The following GNA12 variants were observed in gnomAD, a reference collection of about 807,000 sequenced individuals.
GNA12 encodes the protein guanine nucleotide-binding protein subunit alpha-12.
Under a neutral mutation model 26.0 loss-of-function variants are expected in GNA12, and 9 were observed. The observed-to-expected ratio is 0.35, with a 90% CI of 0.21 to 0.60. GNA12 has a LOEUF of 0.60. Among genes scored for constraint, GNA12 ranks in the 20% least tolerant of loss-of-function variants. The pLI is 0.78. For synonymous variants in GNA12, 264 were observed against 219.6 expected, an observed-to-expected ratio of 1.20 and a Z score of -1.79; for missense variants, 405 against 525.8, an observed-to-expected ratio of 0.77 and a Z score of 2.25.
intron 1 of GNA12, among the ~76,000 whole-genome samples, chr7:2,795,627 C>CAAAA (rs11412223): frequency 1.7e-5 from 2 of 117,586 alleles, no homozygotes; most frequent in Non-Finnish European, 3.5e-5. Flanking sequence ...GACCCTGTTT[C>CAAAA]AAAAAAAAAA....
Position 2,817,456 on chromosome 7 carries a change from T to C in GNA12, c.310-22313A>G, listed in dbSNP as rs564016846. ...AGAATCCTTACACAGCCTGCAAGAC[T>C]GTATATCCTCCCTTACCCCAGCCAC... On this transcript the variant is annotated intron_variant, in intron 1 of 3. Coordinates refer to ENST00000275364, the MANE Select transcript of GNA12 (RefSeq NM_007353.3). 3.9e-5 allele frequency among the ~76,000 whole-genome samples: 6 copies of C among 152,286 alleles called. No homozygotes were observed. The East Asian group carries it at 1.2e-3, about 29-fold the overall frequency.
chr7:2,780,051 CATATATATATATAT>C lies in GNA12; in HGVS notation c.525+14863_525+14876del, dbSNP rs3996399. On this transcript the variant is annotated intron_variant, in intron 2 of 3. Coordinates refer to ENST00000275364, the MANE Select transcript of GNA12 (RefSeq NM_007353.3). ...CTAGTTTTTTACACATTTCTGTGTACATATATATATATATATATATATATATATATATATATATA... is the reference window on the plus strand; with the variant it reads ...CTAGTTTTTTACACATTTCTGTGTACATATATATATATATATATATATATA... Among the ~76,000 whole-genome samples the C allele has an allele frequency of 1.8e-3, 113 of 62,210 alleles. 2 individuals are homozygous for C. Among genetic ancestry groups the C allele is most frequent in the South Asian group, 5.9e-3 (9 of 1,524 alleles). 40.8% of individuals were successfully genotyped at this position (62,210 alleles called of 152,430 possible). A position where few individuals can be genotyped will look rare whatever the true frequency, so the allele number is the denominator to read the frequency against.
chr7:2,804,436 T>C (rs1792892684), intron 1 of GNA12, among the ~76,000 whole-genome samples: 1 of 152,194 alleles, frequency 6.6e-6, no homozygotes, highest in South Asian at 2.1e-4. Flanking sequence ...CTCTGGACTA[T>C]GGTCTGAGTG....
chr7:2,764,852 T>A (rs941921664), intron 2 of GNA12: 1 of 152,210 alleles, frequency 6.6e-6, no homozygotes, highest in African/African-American at 2.4e-5. Context: ...CGCCGCCTCG[T>A]CCTCTTAGTG....
chr7:2,821,948 C>CA (rs1793379303), intron 1 of GNA12, among the ~76,000 whole-genome samples: 1 of 152,306 alleles, frequency 6.6e-6, no homozygotes, highest in African/African-American at 2.4e-5. Context: ...TATGTGCTGC[C>CA]ATGGTGCCAG....
At chr7:2,752,347 G>C (rs1791082339) in intron 2 of GNA12, among the ~76,000 whole-genome samples, 2 of 152,156 alleles carry the variant, frequency 1.3e-5, no homozygotes. Context: ...AGTCATGGTG[G>C]ACCACTGAGT....
At position 2,750,098 on chromosome 7, in the gene GNA12, A is replaced by G. The variant is rs368558784; in HGVS notation, c.526-16597T>C. The stretch of plus-strand genomic sequence containing the variant: ...TGAAGAAACTCATAGCAAGGATGCT[A>G]TACCACACACTTCTGAATAATCCAC... On this transcript the variant is annotated intron_variant, in intron 2 of 3. Coordinates refer to ENST00000275364, the MANE Select transcript of GNA12 (RefSeq NM_007353.3). Among the ~76,000 whole-genome samples, 29 of 152,362 alleles carry G rather than the reference A, an allele frequency of 1.9e-4. No homozygotes were observed. The East Asian group carries it at 2.7e-3, about 14-fold the overall frequency.
intron 1 of GNA12, among the ~76,000 whole-genome samples, chr7:2,828,568 T>C (rs1406621400): frequency 1.3e-5 from 2 of 152,218 alleles, no homozygotes; most frequent in African/African-American, 4.8e-5. Flanking sequence ...ATCAAAGTGT[T>C]GTCTACCAAG....
chr7:2,757,434 G>A (rs1443873428), intron 2 of GNA12, among the ~76,000 whole-genome samples: 6 of 152,148 alleles, frequency 3.9e-5, no homozygotes, highest in Non-Finnish European at 8.8e-5. Flanking sequence ...GGAAGTGAGG[G>A]CACCCCTAGG....
chr7:2,795,627 CAAAAAAAAAAAAA>C (rs1375251324), intron 1 of GNA12, among the ~76,000 whole-genome samples: 3 of 117,552 alleles, frequency 2.6e-5, no homozygotes, highest in African/African-American at 1.0e-4. Flanking sequence ...GACCCTGTTT[CAAAAAAAAAAAAA>C]GAAAAGAAAA....
intron 2 of GNA12, among the ~76,000 whole-genome samples, chr7:2,789,860 GAAGCCCAGGA>G (rs1040833987): frequency 5.1e-4 from 77 of 152,318 alleles, no homozygotes; most frequent in African/African-American, 1.6e-3. Flanking sequence ...CCAGCACAGA[GAAGCCCAGGA>G]AAGCCCAGGA....
intron 2 of GNA12, among the ~76,000 whole-genome samples, chr7:2,794,401 A>C (rs1196176585): frequency 1.3e-5 from 2 of 151,966 alleles, no homozygotes; most frequent in Admixed American, 6.6e-5. Context: ...AACAGGCAAA[A>C]CCCCCCAGAT....
At chr7:2,776,509 G>A (rs1792080609) in intron 2 of GNA12, among the ~76,000 whole-genome samples, 1 of 152,218 alleles carries the variant, frequency 6.6e-6, no homozygotes, top group African/African-American at 2.4e-5. Flanking sequence ...ATGAAAGCAT[G>A]AAGGGCTGGC....
chr7:2,831,666 G>A (rs879445784), intron 1 of GNA12, among the ~76,000 whole-genome samples: 6 of 152,014 alleles, frequency 3.9e-5, no homozygotes, highest in South Asian at 4.1e-4. Context: ...GCCTCCCAAA[G>A]TGCTGGGATT....
At chr7:2,824,076 G>C (rs192723019) in intron 1 of GNA12, among the ~76,000 whole-genome samples, 18 of 152,252 alleles carry the variant, frequency 1.2e-4, no homozygotes, top group East Asian at 5.8e-4. Flanking sequence ...CTCAAAAATG[G>C]TATTTTCAAC....
intron 2 of GNA12, among the ~76,000 whole-genome samples, chr7:2,793,097 T>C (rs962078347): frequency 6.6e-6 from 1 of 152,166 alleles, no homozygotes; most frequent in Non-Finnish European, 1.5e-5. Flanking sequence ...CTCATCCTGA[T>C]GACGAGAAAA....
Position 2,843,913 on chromosome 7 carries a change from G to T in GNA12, c.249C>A (p.Arg83=). 1 of 1,586,350 alleles carries T rather than the reference G, an allele frequency of 6.3e-7. No individual in the cohort carries two copies. The highest frequency in any genetic ancestry group is 8.6e-7 in the Non-Finnish European group (1 of 1,168,310). The change falls in exon 1 of 4, where the codon CGC becomes CGA. Residue 83 remains arginine (R), a synonymous_variant. Transcript: ENST00000275364. ...CCAGCAGCGCCTTCTGGTCGAACTCGCGGCCGTGGATGATGCGCATCTGCT... is the reference window on the plus strand; with the variant it reads ...CCAGCAGCGCCTTCTGGTCGAACTCTCGGCCGTGGATGATGCGCATCTGCT... The part of the protein sequence containing the change: ...FLKQMRIIHG[R]EFDQKALLEF...
chr7:2,738,729 A>G (rs1790340648), intron 2 of GNA12, among the ~76,000 whole-genome samples: 1 of 152,166 alleles, frequency 6.6e-6, no homozygotes, highest in Admixed American at 6.5e-5. Context: ...ATTAAATAAA[A>G]AACCAACCCC....
At chr7:2,741,012 T>TCCTGCCTG (rs2115326759) in intron 2 of GNA12, among the ~76,000 whole-genome samples, 1 of 152,228 alleles carries the variant, frequency 6.6e-6, no homozygotes, top group South Asian at 2.1e-4. Context: ...GCCACTGCAC[T>TCCTGCCTG]CCTGCCTGGG....
Sources: gnomAD v4.1 joint callset for allele counts (sites outside exome capture counted in the v4.1 genomes callset) on GRCh38, gnomAD v4.1.1 for gene constraint, MANE v1.5 for transcripts, NCBI Gene and HGNC (gene_info 2026-07-23, HGNC 2026-07-21) for gene names.